Variants in NCR1 observed in about 807,000 individuals in gnomAD.
NCR1 encodes the protein NK cell-activating receptor.
In NCR1, 30 loss-of-function variants were observed where a neutral mutation model predicts 32.5. That is an observed-to-expected ratio of 0.92 (90% CI 0.69 to 1.25). NCR1 has a LOEUF of 1.25. NCR1 is among the 50% of genes most tolerant of loss of function. NCR1 has a pLI of 0.00. For synonymous variants in NCR1, 169 were observed against 143.4 expected, an observed-to-expected ratio of 1.18 and a Z score of -1.28; for missense variants, 369 against 380.7, an observed-to-expected ratio of 0.97 and a Z score of 0.26.
chr19:54,923,232 C>G, the NCR1 span, among the ~76,000 whole-genome samples: 3 of 152,144 alleles, frequency 2.0e-5, no homozygotes, highest in African/African-American at 7.2e-5. Context: ...GATGAGAGAC[C>G]GCGGGGCCCA....
rs369920502 is a variant in NCR1 at position 54,909,388 on chromosome 19, G to A, written c.499G>A (p.Gly167Arg). Residue 167 changes from glycine to arginine, a missense_variant, in exon 4 of 7, where the codon GGA becomes AGA. Physicochemically the swap from Gly to Arg is moderately radical, Grantham distance 125 (BLOSUM62 -2). Transcript: ENST00000291890. ...GGGAAGATCCAGCCACGTACAGCGCGGATACGGGAAGGTCCAGGCGGAGTT... is the reference window on the plus strand; with the variant it reads ...GGGAAGATCCAGCCACGTACAGCGCAGATACGGGAAGGTCCAGGCGGAGTT... ...KEGRSSHVQRGYGKVQAEFPL... is the reference protein window; with the variant it reads ...KEGRSSHVQRRYGKVQAEFPL... The A allele has an allele frequency of 5.0e-6, 8 of 1,614,022 alleles. No individual in the cohort carries two copies. The highest frequency in any genetic ancestry group is 1.6e-4 in the Middle Eastern group (1 of 6,062).
chr19:54,930,557 C>A, the NCR1 span: 3 of 1,612,792 alleles, frequency 1.9e-6, no homozygotes, highest in South Asian at 3.3e-5. Flanking sequence ...ATCCACAATC[C>A]ACGAGCTATC....
downstream of NCR1, among the ~76,000 whole-genome samples, chr19:54,917,284 C>T (rs533092510): frequency 4.0e-5 from 6 of 151,124 alleles, no homozygotes; most frequent in East Asian, 1.2e-3. Flanking sequence ...CACTGCACTC[C>T]AGCCTGAGTG....
rs1465563372 is a variant in NCR1, at chr19:54,912,545, G to C, written c.734-145G>C. 6 of 679,664 alleles carry C rather than the reference G, an allele frequency of 8.8e-6. No individual in the cohort carries two copies. The African/African-American group carries it at 1.1e-4, about 13-fold the overall frequency. 42.1% of individuals were successfully genotyped at this position (679,664 alleles called of 1,614,324 possible). ...ACCCAGGAAGTGGAGGTTGCAGTGA[G>C]CCGAGATCGTGCCATTGCACTCCAG... is the stretch of plus-strand genomic sequence containing the variant. On this transcript the variant is annotated intron_variant, in intron 6 of 6. Coordinates refer to ENST00000291890, the MANE Select transcript of NCR1 (RefSeq NM_004829.7).
the NCR1 span, chr19:54,937,997 C>T: frequency 1.4e-6 from 2 of 1,420,824 alleles, no homozygotes; most frequent in Non-Finnish European, 2.0e-6. Context: ...GTACAAGAAG[C>T]TTAGTCATCG....
At chr19:54,928,420 A>C in the NCR1 span, among the ~76,000 whole-genome samples, 1 of 152,156 alleles carries the variant, frequency 6.6e-6, no homozygotes, top group Non-Finnish European at 1.5e-5. Context: ...AAAAACAAGC[A>C]GCATATTTGC....
the NCR1 span, among the ~76,000 whole-genome samples, chr19:54,898,870 T>C: frequency 6.6e-6 from 1 of 152,218 alleles, no homozygotes. Context: ...AGTCATGGAA[T>C]GGAACTGTAA....
At chr19:54,899,774 C>T in the NCR1 span, among the ~76,000 whole-genome samples, 1 of 152,022 alleles carries the variant, frequency 6.6e-6, no homozygotes, top group Non-Finnish European at 1.5e-5. Context: ...GGCAGGCATC[C>T]CCATGTGGTC....
At chr19:54,900,826 G>C in the NCR1 span, among the ~76,000 whole-genome samples, 1 of 152,170 alleles carries the variant, frequency 6.6e-6, no homozygotes, top group South Asian at 2.1e-4. Flanking sequence ...GCAGCTGGTC[G>C]GCATGGGGTT....
chr19:54,932,498 A>G, the NCR1 span, among the ~76,000 whole-genome samples: 3 of 151,986 alleles, frequency 2.0e-5, no homozygotes, highest in Non-Finnish European at 2.9e-5. Flanking sequence ...CTTCAACCCT[A>G]TGCAATCTCT....
the NCR1 span, among the ~76,000 whole-genome samples, chr19:54,926,230 TCATGCACACACATACACA>T: frequency 2.4e-5 from 2 of 82,114 alleles, no homozygotes; most frequent in African/African-American, 7.9e-5. Flanking sequence ...GTGTGTGTGC[TCATGCACACACATACACA>T]CAAGCTTCCA....
At chr19:54,910,153 G>A (rs1183804216) in intron 5 of NCR1, 88 bp downstream of exon 5, 20 of 1,342,712 alleles carry the variant, frequency 1.5e-5, no homozygotes, top group Middle Eastern at 1.8e-4. Context: ...AATATTCATC[G>A]AGGCCAGGCG....
At chr19:54,926,205 G>GGTGTGTGTGTGTGT in the NCR1 span, among the ~76,000 whole-genome samples, 8,997 of 143,644 alleles carry the variant, frequency 0.063, 271 homozygotes, top group East Asian at 0.15. Flanking sequence ...AATGATTAGG[G>GGTGTGTGTGTGTGT]GTGTGTGTGT....
upstream of NCR1, among the ~76,000 whole-genome samples, chr19:54,905,821 CTA>C (rs898569924): frequency 1.6e-4 from 24 of 152,262 alleles, no homozygotes; most frequent in South Asian, 2.1e-4. Flanking sequence ...GTGAAACTCC[CTA>C]TGTTTTTATA....
upstream of NCR1, among the ~76,000 whole-genome samples, chr19:54,901,160 G>A (rs1370242696): frequency 6.7e-6 from 1 of 149,554 alleles, no homozygotes; most frequent in Admixed American, 6.7e-5. Flanking sequence ...CGTGGTGGTG[G>A]GCACCTGTAG....
chr19:54,912,531 G>A (rs2068023309), intron 6 of NCR1, among the ~76,000 whole-genome samples, 159 bp from the exon 7 acceptor site: 2 of 138,306 alleles, frequency 1.4e-5, no homozygotes, highest in African/African-American at 5.4e-5. Flanking sequence ...CCCAGGAAGT[G>A]GAGGTTGCAG....
chr19:54,937,893 G>A, the NCR1 span: 19 of 658,516 alleles, frequency 2.9e-5, no homozygotes, highest in East Asian at 7.8e-5. Flanking sequence ...GTAAATCTCC[G>A]TCTCACCAAA....
chr19:54,932,985 C>T, the NCR1 span, among the ~76,000 whole-genome samples: 2 of 152,204 alleles, frequency 1.3e-5, no homozygotes, highest in African/African-American at 4.8e-5. Context: ...CAATCTACCT[C>T]CAATAGCAGG....
chr19:54,936,174 G>T, the NCR1 span: 1 of 1,188,010 alleles, frequency 8.4e-7, no homozygotes, highest in Non-Finnish European at 1.3e-6. Context: ...GACGGCATCT[G>T]GAGTGGTTAC....
Sources: allele counts gnomAD v4.1 joint callset (sites outside exome capture counted in the v4.1 genomes callset), GRCh38; gene constraint gnomAD v4.1.1; transcripts MANE v1.5; gene names NCBI Gene and HGNC (gene_info 2026-07-23, HGNC 2026-07-21).